The following BCAS3 variants were observed in gnomAD, a reference collection of about 807,000 sequenced individuals.
BCAS3 encodes BCAS4/BCAS3 fusion.
Under a neutral mutation model 116.1 loss-of-function variants are expected in BCAS3, and 53 were observed. The observed-to-expected ratio is 0.46, with a 90% confidence interval of 0.37 to 0.57. The LOEUF is 0.57. BCAS3 is among the 20% of genes least tolerant of loss of function. BCAS3 has a pLI of 0.00. For missense variants in BCAS3, 917 were observed against 1,165.4 expected, an observed-to-expected ratio of 0.79 and a Z score of 3.10; for synonymous variants, 391 against 408.2, an observed-to-expected ratio of 0.96 and a Z score of 0.51.
Position 61,154,496 on chromosome 17 carries a change from G to T in BCAS3, c.2425+69932G>T, listed in dbSNP as rs573058909. ...TGTTGCCCAGGCTGGAGTGCAGTGGGGGGATCATGGCTCACTGCAGCCTAG... is the reference window on the plus strand; with the variant it reads ...TGTTGCCCAGGCTGGAGTGCAGTGGTGGGATCATGGCTCACTGCAGCCTAG... On this transcript the variant is annotated intron_variant, in intron 22 of 23. Coordinates refer to ENST00000407086, the MANE Select transcript of BCAS3 (RefSeq NM_017679.5). 2.3e-3 allele frequency among the ~76,000 whole-genome samples: 342 copies of T among 151,696 alleles called. 1 individual carries two copies. The highest frequency in any genetic ancestry group is 8.0e-3 in the African/African-American group (330 of 41,326).
chr17:60,718,835 G>A (rs2038932874), intron 5 of BCAS3, among the ~76,000 whole-genome samples: 1 of 152,152 alleles, frequency 6.6e-6, no homozygotes, highest in Non-Finnish European at 1.5e-5. Flanking sequence ...GCCGAGGTGG[G>A]CAGATCACGA....
chr17:61,241,791 A>G lies in BCAS3; in HGVS notation c.2426-126536A>G, dbSNP rs950018630. Among the ~76,000 whole-genome samples the G allele has an allele frequency of 6.6e-6, 1 of 152,204 alleles. No individual in the cohort carries two copies. Among genetic ancestry groups the G allele is most frequent in the Non-Finnish European group, 1.5e-5 (1 of 68,034 alleles). ...AAATGTACTTACCTATTTTTTCTCT[A>G]CTAACATCATTTAACATGTAAAATA... On this transcript the variant is annotated intron_variant, in intron 22 of 23. Transcript: ENST00000407086. This position sits in a 1 kb window ranked among gnomAD's most constrained non-coding sequence, Gnocchi z 4.6.
Position 61,258,343 on chromosome 17 carries a change from T to G in BCAS3, c.2426-109984T>G, listed in dbSNP as rs771939789. 6.6e-6 allele frequency among the ~76,000 whole-genome samples: 1 copy of G among 152,220 alleles called. No individual in the cohort carries two copies. Among genetic ancestry groups the G allele is most frequent in the Non-Finnish European group, 1.5e-5 (1 of 68,036 alleles). The stretch of plus-strand genomic sequence containing the variant: ...GGTTGTTACTTCGTGCCTTTAGATA[T>G]CCACCATAATGTGTAGCGTAGTTCC... On this transcript the variant is annotated intron_variant, in intron 22 of 23. Coordinates refer to ENST00000407086, the MANE Select transcript of BCAS3 (RefSeq NM_017679.5). This position sits in a 1 kb window ranked among gnomAD's most constrained non-coding sequence, Gnocchi z 4.7.
rs1171041898 is a variant in BCAS3 at position 61,282,856 on chromosome 17, C to G, written c.2426-85471C>G. ...TTTTCACAGAGGGAAATGCACAGAG[C>G]TTAAATGTGCAAGTAATTAAATGAG... is the stretch of plus-strand genomic sequence containing the variant. On this transcript the variant is annotated intron_variant, in intron 22 of 23. Transcript: ENST00000407086. The surrounding 1 kb of genome is among the most constrained non-coding windows in gnomAD (Gnocchi z 5.9). 2.0e-5 allele frequency among the ~76,000 whole-genome samples: 3 copies of G among 151,790 alleles called. No homozygotes were observed. The highest frequency in any genetic ancestry group is 3.9e-4 in the East Asian group (2 of 5,182).
intron 18 of BCAS3, 56 bp from the exon 19 acceptor site, chr17:61,040,736 G>A: frequency 7.1e-7 from 1 of 1,400,088 alleles, no homozygotes; most frequent in Non-Finnish European, 1.0e-6. Flanking sequence ...CAGTCATGGT[G>A]ATTTACATCC....
rs569723025 is a variant in BCAS3 at position 61,045,337 on chromosome 17, T to C, written c.2029+4445T>C. Among the ~76,000 whole-genome samples, 11 of 151,666 alleles carry C rather than the reference T, an allele frequency of 7.3e-5. No homozygotes were observed. The South Asian group carries it at 2.1e-3, about 29-fold the overall frequency. On this transcript the variant is annotated intron_variant, in intron 19 of 23. Transcript: ENST00000407086. ...CATCCTGGGCAACATAGAGAGACCC[T>C]GTCTCTACAAAAACATTATAAAAAT...
intron 10 of BCAS3, among the ~76,000 whole-genome samples, chr17:60,894,293 T>C (rs55896089): frequency 0.12 from 18,497 of 152,004 alleles, 3,425 homozygotes; most frequent in African/African-American, 0.4. Flanking sequence ...AGATCTTTCA[T>C]CTCCTTGGTT....
chr17:61,236,342 T>C (rs1393203684), intron 22 of BCAS3, among the ~76,000 whole-genome samples: 2 of 152,152 alleles, frequency 1.3e-5, no homozygotes, highest in Non-Finnish European at 2.9e-5. Flanking sequence ...TGTTTTGAGA[T>C]GGAGTCTCGC....
chr17:61,322,012 C>T (rs568845018), intron 22 of BCAS3, among the ~76,000 whole-genome samples: 1 of 152,242 alleles, frequency 6.6e-6, no homozygotes, highest in East Asian at 1.9e-4. Flanking sequence ...CAGCTCACCG[C>T]AACTTCCGCC....
In BCAS3 at chr17:60,694,165, C is replaced by T. The variant is rs945742379; in HGVS notation, c.214+4404C>T. 2.7e-5 allele frequency among the ~76,000 whole-genome samples: 4 copies of T among 150,468 alleles called. 1 individual carries two copies. The South Asian group carries it at 8.6e-4, about 32-fold the overall frequency. ...CCTTCCAAAGTGCTGGGATTACAGG[C>T]GTGAGCCACCGCGCCCGGCCAAACA... On this transcript the variant is annotated intron_variant, in intron 4 of 23. Coordinates refer to ENST00000407086, the MANE Select transcript of BCAS3 (RefSeq NM_017679.5).
Position 60,753,383 on chromosome 17 carries a change from T to TTTTATTTATTTA in BCAS3, c.403+6137_403+6148dup, listed in dbSNP as rs35459382. ...TTATTTTGTTGTTATTTGTCTCTTA[T>TTTTATTTATTTA]TTTATTTATTTATTTATTTATTTAT... On this transcript the variant is annotated intron_variant, in intron 6 of 23. Transcript: ENST00000407086. Among the ~76,000 whole-genome samples the TTTTATTTATTTA allele has an allele frequency of 9.6e-3, 1,305 of 135,630 alleles. 13 individuals are homozygous for TTTTATTTATTTA. The highest frequency in any genetic ancestry group is 0.012 in the African/African-American group (428 of 36,898). The allele number at this position is 135,630 out of a possible 152,430, so 89.0% of individuals were successfully genotyped here. A position where few individuals can be genotyped will look rare whatever the true frequency, so the allele number is the denominator to read the frequency against.
At chr17:61,166,804 C>T (rs1344185359) in intron 22 of BCAS3, among the ~76,000 whole-genome samples, 5 of 152,144 alleles carry the variant, frequency 3.3e-5, no homozygotes, top group Non-Finnish European at 7.4e-5. Flanking sequence ...GCCTTCAATT[C>T]CCTGGGGTAG....
At chr17:61,386,801 T>G (rs1473847692) in intron 23 of BCAS3, among the ~76,000 whole-genome samples, 6 of 149,250 alleles carry the variant, frequency 4.0e-5, no homozygotes, top group South Asian at 2.1e-4. Flanking sequence ...TTTTTGTTTT[T>G]TTTTTTTTTT....
rs2082363835 is a variant in BCAS3, at chr17:61,226,189, A to T, written c.2425+141625A>T. On this transcript the variant is annotated intron_variant, in intron 22 of 23. Coordinates refer to ENST00000407086, the MANE Select transcript of BCAS3 (RefSeq NM_017679.5). The surrounding 1 kb of genome is among the most constrained non-coding windows in gnomAD (Gnocchi z 6.0). ...TAGCAAGACCCTAGCTCTAAAAATT[A>T]AAAAATTCCTAAAATATCCACTGAC... Among the ~76,000 whole-genome samples, 1 of 152,184 alleles carries T rather than the reference A, an allele frequency of 6.6e-6. No individual in the cohort carries two copies. Among genetic ancestry groups the T allele is most frequent in the Non-Finnish European group, 1.5e-5 (1 of 68,038 alleles).
At position 60,851,141 on chromosome 17, in the gene BCAS3, G is replaced by A. The variant is rs538560422; in HGVS notation, c.477-17435G>A. On this transcript the variant is annotated intron_variant, in intron 7 of 23. Transcript: ENST00000407086. ...CTCCGTGAAAGATTATTTTAAGAGA[G>A]TGAGAAGATGGGCTGCAGATGGTGA... Among the ~76,000 whole-genome samples, 42 of 152,328 alleles carry A rather than the reference G, an allele frequency of 2.8e-4. 1 individual carries two copies. Among genetic ancestry groups the A allele is most frequent in the African/African-American group, 9.6e-4 (40 of 41,572 alleles).
chr17:60,988,099 C>G (rs1455598886), intron 14 of BCAS3, among the ~76,000 whole-genome samples: 1 of 151,520 alleles, frequency 6.6e-6, no homozygotes, highest in Admixed American at 6.6e-5. Flanking sequence ...GGTTTTTATC[C>G]ATTATTCTCT....
At chr17:61,283,111 A>G (rs2144673032) in intron 22 of BCAS3, among the ~76,000 whole-genome samples, 1 of 152,010 alleles carries the variant, frequency 6.6e-6, no homozygotes, top group South Asian at 2.1e-4. Flanking sequence ...TCCTTTTTGT[A>G]TTGAAAACGA....
In BCAS3 at chr17:60,811,027, G is replaced by A. The variant is rs1293066622; in HGVS notation, c.476+2951G>A. On this transcript the variant is annotated intron_variant, in intron 7 of 23. Coordinates refer to ENST00000407086, the MANE Select transcript of BCAS3 (RefSeq NM_017679.5). ...CACAGTGGTCACCATGCAGTCTGCC[G>A]AGGTTGGAGCTGCTGCGTTGATTCT... The A allele has an allele frequency of 1.2e-5, 8 of 656,696 alleles. No individual in the cohort carries two copies. In the East Asian group the frequency reaches 1.5e-4, roughly 13 times the overall value. 40.7% of individuals were successfully genotyped at this position (656,696 alleles called of 1,614,324 possible).
chr17:61,252,453 ACT>A (rs2048441256), intron 22 of BCAS3, among the ~76,000 whole-genome samples: 1 of 151,818 alleles, frequency 6.6e-6, no homozygotes, highest in South Asian at 2.1e-4. Context: ...AGCCAGGAAG[ACT>A]CAGCCCCGCC....
Sources: gnomAD v4.1 joint callset for allele counts (sites outside exome capture counted in the v4.1 genomes callset) on GRCh38, gnomAD v4.1.1 for gene constraint, Gnocchi (gnomAD v3.1) non-coding constraint, MANE v1.5 for transcripts, NCBI Gene and HGNC (gene_info 2026-07-23, HGNC 2026-07-21) for gene names.